The following LRRC31 variants were observed in gnomAD, a reference collection of about 807,000 sequenced individuals.
The protein encoded by LRRC31 is leucine-rich repeat-containing protein 31.
LRRC31 carries 35 observed loss-of-function variants against 46.7 expected under a neutral mutation model. That is an observed-to-expected ratio of 0.75 (90% CI 0.57 to 0.99). The LOEUF is 0.99. Ranked by LOEUF, LRRC31 falls within the 50% of genes least tolerant of loss-of-function variation. The pLI is 0.00. For missense variants in LRRC31, 613 were observed against 626.1 expected, an observed-to-expected ratio of 0.98 and a Z score of 0.22; for synonymous variants, 236 against 235.1, an observed-to-expected ratio of 1.00 and a Z score of -0.03.
At chr3:169,851,292 G>T (rs1780756712) in intron 7 of LRRC31, among the ~76,000 whole-genome samples, 1 of 152,018 alleles carries the variant, frequency 6.6e-6, no homozygotes, top group Non-Finnish European at 1.5e-5. Flanking sequence ...GTGCACCTGT[G>T]ATCCCAGCTA....
At chr3:169,857,682 G>A (rs781110902) in intron 3 of LRRC31, among the ~76,000 whole-genome samples, 15 of 151,806 alleles carry the variant, frequency 9.9e-5, no homozygotes, top group Admixed American at 6.6e-4. Flanking sequence ...ACTGCCTTGC[G>A]GGTAGACACA....
chr3:169,854,220 C>T (rs1043393705), intron 6 of LRRC31, among the ~76,000 whole-genome samples: 4 of 152,218 alleles, frequency 2.6e-5, no homozygotes, highest in African/African-American at 7.2e-5. Flanking sequence ...GCTGGATGTA[C>T]ATTGAAGGCT....
rs147718450 is a variant in LRRC31, at chr3:169,841,019, T to C, written c.1328-706A>G. ...TGGATTGCAGAGATCAGGTGGGTTGTATAGAATCTCAGCGTTGCAAGGGAT... is the reference window on the plus strand; with the variant it reads ...TGGATTGCAGAGATCAGGTGGGTTGCATAGAATCTCAGCGTTGCAAGGGAT... On this transcript the variant is annotated intron_variant, in intron 8 of 8. Transcript: ENST00000316428. 1.1e-4 allele frequency among the ~76,000 whole-genome samples: 17 copies of C among 152,348 alleles called. No individual in the cohort carries two copies. In the East Asian group the frequency reaches 3.1e-3, roughly 28 times the overall value.
chr3:169,851,667 A>G lies in LRRC31; in HGVS notation c.1111T>C (p.Leu371=). 1 of 1,614,210 alleles carries G rather than the reference A, an allele frequency of 6.2e-7. No individual in the cohort carries two copies. The highest frequency in any genetic ancestry group is 8.5e-7 in the Non-Finnish European group (1 of 1,180,044). Residue 371 remains leucine, a synonymous_variant, in exon 7 of 9, where the codon TTA becomes CTA. Coordinates refer to ENST00000316428, the MANE Select transcript of LRRC31 (RefSeq NM_024727.4). ...RLRFLPALKS[L]VINNCALESE... ...TCCAAAGCACAGTTGTTGATAACTA[A>G]TGACTTCAATGCTGGTAAAAATCGG...
intron 8 of LRRC31, among the ~76,000 whole-genome samples, chr3:169,846,958 T>G (rs1780621467): frequency 6.6e-6 from 1 of 152,170 alleles, no homozygotes; most frequent in Non-Finnish European, 1.5e-5. Flanking sequence ...TTTAGGCCCA[T>G]GTGCCGTGTC....
At chr3:169,858,833 A>C (rs7647900) in intron 3 of LRRC31, among the ~76,000 whole-genome samples, 1 of 151,944 alleles carries the variant, frequency 6.6e-6, no homozygotes, top group Non-Finnish European at 1.5e-5. Flanking sequence ...GTGAAACCCT[A>C]TCTCTACTAA....
chr3:169,848,655 C>T (rs1440089688), intron 7 of LRRC31, among the ~76,000 whole-genome samples: 3 of 152,184 alleles, frequency 2.0e-5, no homozygotes, highest in African/African-American at 7.2e-5. Flanking sequence ...GACGCTGTTT[C>T]ACCATGTTGC....
intron 7 of LRRC31, among the ~76,000 whole-genome samples, chr3:169,850,213 T>C (rs1780715887): frequency 6.6e-6 from 1 of 152,204 alleles, no homozygotes; most frequent in African/African-American, 2.4e-5. Flanking sequence ...AAATGCATAT[T>C]ATTTACCCCC....
At chr3:169,851,488 G>T in intron 7 of LRRC31, 131 bp downstream of exon 7, 2 of 780,968 alleles carry the variant, frequency 2.6e-6, no homozygotes, top group Non-Finnish European at 4.0e-6. Flanking sequence ...TTTTAAGAAG[G>T]CATATGTCCT....
chr3:169,859,875 G>T (rs1478900068), intron 3 of LRRC31, among the ~76,000 whole-genome samples: 1 of 152,104 alleles, frequency 6.6e-6, no homozygotes. Flanking sequence ...GGACACGGTG[G>T]CTCACACCTA....
At chr3:169,847,226 C>T (rs1368790873) in intron 8 of LRRC31, among the ~76,000 whole-genome samples, 1 of 152,204 alleles carries the variant, frequency 6.6e-6, no homozygotes, top group Non-Finnish European at 1.5e-5. Flanking sequence ...GCCCCTGCTG[C>T]CCAGGCTGGA....
chr3:169,846,639 C>T (rs1390569617), intron 8 of LRRC31, among the ~76,000 whole-genome samples: 1 of 144,524 alleles, frequency 6.9e-6, no homozygotes, highest in East Asian at 2.5e-4. Flanking sequence ...CAGAGTGAAA[C>T]TCTGTCTAAA....
Position 169,840,310 on chromosome 3 carries a change from G to A in LRRC31, c.1331C>T (p.Ser444Leu), listed in dbSNP as rs773962418. The A allele has an allele frequency of 3.7e-6, 6 of 1,613,994 alleles. No homozygotes were observed. The highest frequency in any genetic ancestry group is 1.7e-5 in the Admixed American group (1 of 59,982). ...GGCCAGATGACCCGTCTGTATGACC[G>A]ATGCTGGAAAACAGAATCACTCTAA... ...LVTEDVALLA[S>L]VIQTGHLAKL... is the part of the protein sequence containing the mutation. Residue 444 changes from serine (S) to leucine (L), a missense_variant, in exon 9 of 9, where the codon TCG (serine) becomes TTG (leucine). Physicochemically the swap from Ser to Leu is moderately radical, Grantham distance 145. Coordinates refer to ENST00000316428, the MANE Select transcript of LRRC31 (RefSeq NM_024727.4).
At chr3:169,854,777 C>T (rs2108213073) in intron 6 of LRRC31, 36 bp downstream of exon 6, 1 of 1,530,360 alleles carries the variant, frequency 6.5e-7, no homozygotes, top group Non-Finnish European at 8.9e-7. Context: ...GCCAAGATTC[C>T]AAAAGTCTTT....
chr3:169,868,599 A>G (rs1438798945), intron 1 of LRRC31, among the ~76,000 whole-genome samples: 1 of 152,262 alleles, frequency 6.6e-6, no homozygotes, highest in Admixed American at 6.5e-5. Context: ...CTGACAGAAC[A>G]TAAATGCATG....
At chr3:169,861,614 C>CTTA (rs1781162679) in intron 2 of LRRC31, 56 bp downstream of exon 2, 5 of 1,581,510 alleles carry the variant, frequency 3.2e-6, no homozygotes, top group Non-Finnish European at 4.3e-6. Flanking sequence ...GTTTTATCTG[C>CTTA]TTATCTCAAT....
chr3:169,859,362 T>G (rs1314544519), intron 3 of LRRC31, among the ~76,000 whole-genome samples: 1 of 151,660 alleles, frequency 6.6e-6, no homozygotes, highest in African/African-American at 2.4e-5. Flanking sequence ...CAACCTGAGA[T>G]GTGTAATGTT....
At chr3:169,868,006 A>T (rs1332384289) in intron 1 of LRRC31, among the ~76,000 whole-genome samples, 1 of 152,264 alleles carries the variant, frequency 6.6e-6, no homozygotes, top group Non-Finnish European at 1.5e-5. Flanking sequence ...AACCATGAAA[A>T]TTATGCATAT....
intron 3 of LRRC31, among the ~76,000 whole-genome samples, chr3:169,858,741 C>A (rs565413606): frequency 3.9e-5 from 6 of 152,130 alleles, no homozygotes; most frequent in Non-Finnish European, 7.4e-5. Context: ...TGGTGGCTCA[C>A]GCCTGTAATC....
Sources: allele counts gnomAD v4.1 joint callset (sites outside exome capture counted in the v4.1 genomes callset), GRCh38; gene constraint gnomAD v4.1.1; transcripts MANE v1.5; gene names NCBI Gene and HGNC (gene_info 2026-07-23, HGNC 2026-07-21).